DZIP3: variants seen among roughly 807,000 people sequenced by gnomAD.
DZIP3 encodes DAZ interacting zinc finger protein 3.
Under a neutral mutation model 162.0 loss-of-function variants are expected in DZIP3, and 118 were observed. That is an observed-to-expected ratio of 0.73 (90% CI 0.63 to 0.85). The LOEUF (loss-of-function observed/expected upper bound fraction) is 0.85. DZIP3 is among the 40% of genes least tolerant of loss of function. The probability of loss-of-function intolerance (pLI) is 0.00; values close to 1 mark genes in which losing one functional copy is unlikely to be tolerated. For synonymous variants in DZIP3, 438 were observed against 458.6 expected (o/e 0.96, Z 0.57); for missense variants, 1,331 against 1,407.0 (o/e 0.95, Z 0.86).
chr3:108,627,150 C>T (rs1941624728), intron 7 of DZIP3, among the ~76,000 whole-genome samples: 2 of 152,218 alleles, frequency 1.3e-5, no homozygotes, highest in South Asian at 4.1e-4. Context: ...TCAGTCTATA[C>T]TGTGACAAAG....
Position 108,624,610 on chromosome 3 carries a change from T to G in DZIP3, c.456+86T>G, listed in dbSNP as rs866929008. ...AGATTATAATATGAAACTAAAAATA[T>G]TAAAAAAGGAAACTTAATATTAGCT... On this transcript the variant is annotated intron_variant, in intron 6 of 32. Transcript: ENST00000361582. 71 of 681,716 alleles carry G rather than the reference T, an allele frequency of 1.0e-4. No homozygotes were observed. The Middle Eastern group carries it at 1.4e-3, about 13-fold the overall frequency. 42.2% of individuals were successfully genotyped at this position (681,716 alleles called of 1,614,324 possible).
At chr3:108,671,061 C>T (rs532945958) in intron 22 of DZIP3, among the ~76,000 whole-genome samples, 1 of 151,968 alleles carries the variant, frequency 6.6e-6, no homozygotes, top group South Asian at 2.1e-4. Context: ...CAAATACTCT[C>T]ATTCTTTGGG....
At chr3:108,673,480 A>C (rs78657344) in intron 23 of DZIP3, among the ~76,000 whole-genome samples, 2,893 of 152,028 alleles carry the variant, frequency 0.019, 100 homozygotes, top group African/African-American at 0.067. Flanking sequence ...GAACTTTTTA[A>C]TACTTAATGC....
chr3:108,662,378 C>G (rs766052725), intron 21 of DZIP3, 121 bp downstream of exon 21: 21 of 1,210,074 alleles, frequency 1.7e-5, no homozygotes, highest in South Asian at 2.1e-5. Context: ...CTCAACCACA[C>G]GACTGCACTT....
In DZIP3 at chr3:108,648,914, C is replaced by A; in HGVS notation, c.1963-4C>A. 2 of 1,172,104 alleles carry A rather than the reference C, an allele frequency of 1.7e-6. No individual in the cohort carries two copies. The highest frequency in any genetic ancestry group is 1.5e-5 in the South Asian group (1 of 67,532). 72.6% of individuals were successfully genotyped at this position (1,172,104 alleles called of 1,614,324 possible). On this transcript the variant is annotated splice_region_variant and splice_polypyrimidine_tract_variant and intron_variant, in intron 16 of 32. Transcript: ENST00000361582. The stretch of plus-strand genomic sequence containing the variant: ...TATTTAATAAATAATTTTTTACCTA[C>A]TAGGTTAAGAGTAAACAAAGGAAAA...
chr3:108,621,704 C>T (rs1432314101), intron 5 of DZIP3, among the ~76,000 whole-genome samples: 1 of 152,074 alleles, frequency 6.6e-6, no homozygotes, highest in East Asian at 1.9e-4. Flanking sequence ...TTTGGAGGTT[C>T]CTCAAAAAAC....
chr3:108,623,864 G>A (rs1444500101), intron 5 of DZIP3, among the ~76,000 whole-genome samples: 32 of 152,142 alleles, frequency 2.1e-4, no homozygotes, highest in Admixed American at 2.1e-3. Context: ...TGCTACCTCC[G>A]TGATCACTGA....
At chr3:108,661,198 C>A (rs980074928) in intron 19 of DZIP3, among the ~76,000 whole-genome samples, 2 of 152,126 alleles carry the variant, frequency 1.3e-5, no homozygotes, top group African/African-American at 4.8e-5. Flanking sequence ...ATGTTTATTG[C>A]AGCACTATTC....
At chr3:108,629,570 T>C (rs1053155647) in intron 8 of DZIP3, among the ~76,000 whole-genome samples, 8 of 147,310 alleles carry the variant, frequency 5.4e-5, no homozygotes, top group African/African-American at 7.3e-5. Context: ...TCTATATTTC[T>C]TCTTCAAATG....
chr3:108,657,707 G>C (rs1185448944), intron 19 of DZIP3, among the ~76,000 whole-genome samples: 3 of 152,158 alleles, frequency 2.0e-5, no homozygotes, highest in Non-Finnish European at 4.4e-5. Flanking sequence ...ATTGGATAAA[G>C]AGTCAAGATC....
intron 18 of DZIP3, among the ~76,000 whole-genome samples, chr3:108,653,507 G>GTATATATA (rs57047978): frequency 0.052 from 5,365 of 102,898 alleles, 235 homozygotes; most frequent in Non-Finnish European, 0.077. Flanking sequence ...GTGTGTGTGT[G>GTATATATA]TATATATATA....
At position 108,675,330 on chromosome 3, in the gene DZIP3, T is replaced by C. The variant is rs114138874; in HGVS notation, c.2694-456T>C. Among the ~76,000 whole-genome samples the C allele has an allele frequency of 8.5e-3, 1,298 of 152,110 alleles. 17 individuals are homozygous for C. The highest frequency in any genetic ancestry group is 0.03 in the African/African-American group (1,241 of 41,536). On this transcript the variant is annotated intron_variant, in intron 24 of 32. Coordinates refer to ENST00000361582, the MANE Select transcript of DZIP3 (RefSeq NM_014648.4). ...TTCTAATTTATCCTCCCAGAGACAGTATCTTTTTCTAATTTGCAAAGGAGC... is the reference window on the plus strand; with the variant it reads ...TTCTAATTTATCCTCCCAGAGACAGCATCTTTTTCTAATTTGCAAAGGAGC...
At position 108,654,177 on chromosome 3, in the gene DZIP3, G is replaced by A. The variant is rs1263920197; in HGVS notation, c.2066G>A (p.Arg689Lys). ...GTGGTAGAAAAGGAAGAGCAGTTGA[G>A]GAAAGAACAAGCAAATCCACACTCA... Reference protein sequence around the residue: ...PYVVEKEEQLRKEQANPHSVS... With the variant: ...PYVVEKEEQLKKEQANPHSVS... The change falls in exon 19 of 33, where the codon AGG becomes AAG. Residue 689 changes from arginine to lysine, a missense_variant. Around this residue, in one of 2 missense-constraint regions of DZIP3, gnomAD observed 1,278 missense variants for 1,317.1 expected, o/e 0.97. Transcript: ENST00000361582. 7 of 1,613,490 alleles carry A rather than the reference G, an allele frequency of 4.3e-6. No individual in the cohort carries two copies. The highest frequency in any genetic ancestry group is 5.9e-6 in the Non-Finnish European group (7 of 1,179,650).
Position 108,654,148 on chromosome 3 carries a change from A to C in DZIP3, c.2037A>C (p.Pro679=), listed in dbSNP as rs149281649. The change falls in exon 19 of 33, where the codon CCA becomes CCC. Residue 679 remains proline, a synonymous_variant. Transcript: ENST00000361582. ...ATTGATTATGTCACGACTACAGCCC[A>C]TATGTGGTAGAAAAGGAAGAGCAGT... ...KNKDSKEDQV[P]YVVEKEEQLR... The C allele has an allele frequency of 2.5e-6, 4 of 1,613,090 alleles. No homozygotes were observed. Among genetic ancestry groups the C allele is most frequent in the East Asian group, 4.5e-5 (2 of 44,818 alleles).
rs1942154667 is a variant in DZIP3, at chr3:108,636,553, AT to A, written c.919-62del. 14 of 1,063,058 alleles carry A rather than the reference AT, an allele frequency of 1.3e-5. No homozygotes were observed. In the South Asian group the frequency reaches 2.3e-4, roughly 17 times the overall value. The allele number at this position is 1,063,058 out of a possible 1,614,324, so 65.9% of individuals were successfully genotyped here. A position where few individuals can be genotyped will look rare whatever the true frequency, so the allele number is the denominator to read the frequency against. On this transcript the variant is annotated intron_variant, in intron 10 of 32. Transcript: ENST00000361582. The stretch of plus-strand genomic sequence containing the variant: ...TGCTTCTAACTACATTTATTTAAAT[AT>A]AATCAGATTTGCACATCAGTGATTT...
At chr3:108,631,055 A>ATACACACTCTCTCTCTCT (rs1553705360) in intron 8 of DZIP3, among the ~76,000 whole-genome samples, 1 of 18,006 alleles carries the variant, frequency 5.6e-5, no homozygotes, top group Admixed American at 8.5e-4. Flanking sequence ...ACACACACAC[A>ATACACACTCTCTCTCTCT]CTCTCTCTCT....
chr3:108,601,809 C>A (rs1479904628), intron 1 of DZIP3, among the ~76,000 whole-genome samples: 1 of 152,054 alleles, frequency 6.6e-6, no homozygotes, highest in Non-Finnish European at 1.5e-5. Flanking sequence ...ACCTTTAGGC[C>A]TCTCAAAAAA....
At chr3:108,612,062 A>G (rs894387641) in intron 4 of DZIP3, among the ~76,000 whole-genome samples, 5 of 152,122 alleles carry the variant, frequency 3.3e-5, no homozygotes, top group African/African-American at 1.2e-4. Context: ...TGGAAGCTAT[A>G]TTGTAGATTT....
intron 19 of DZIP3, among the ~76,000 whole-genome samples, chr3:108,655,993 C>T (rs967087399): frequency 3.5e-4 from 53 of 152,156 alleles, no homozygotes; most frequent in East Asian, 1.9e-4. Flanking sequence ...ACAAAGCGGC[C>T]GGGAAGCTCA....
Sources: allele counts gnomAD v4.1 joint callset (sites outside exome capture counted in the v4.1 genomes callset), GRCh38; gene constraint gnomAD v4.1.1; regional missense constraint gnomAD v4.1.1; transcripts MANE v1.5; gene names NCBI Gene and HGNC (gene_info 2026-07-23, HGNC 2026-07-21).